SYT1: variants seen among roughly 807,000 people sequenced by gnomAD.
The protein encoded by SYT1 is synaptotagmin-1.
A neutral mutation model predicts 44.8 loss-of-function variants in SYT1; 8 were observed. The ratio of observed to expected loss-of-function variants is 0.18; its 90% CI spans 0.10 to 0.32. The LOEUF (loss-of-function observed/expected upper bound fraction) is 0.32. Ranked by LOEUF, SYT1 falls within the 10% of genes least tolerant of loss-of-function variation. The pLI is 1.00. For synonymous variants in SYT1, 154 were observed against 188.8 expected (o/e 0.82, Z 1.51); for missense variants, 286 against 509.3 (o/e 0.56, Z 4.22).
intron 3 of SYT1, among the ~76,000 whole-genome samples, chr12:79,095,892 A>G (rs1396645329): frequency 6.6e-6 from 1 of 151,916 alleles, no homozygotes; most frequent in Non-Finnish European, 1.5e-5. Context: ...AACACATACA[A>G]ATTTATTATA....
chr12:79,083,481 T>C (rs1357316381), intron 3 of SYT1, among the ~76,000 whole-genome samples: 1 of 152,068 alleles, frequency 6.6e-6, no homozygotes, highest in Non-Finnish European at 1.5e-5. Flanking sequence ...AGGTGAAACA[T>C]AGCAACAACA....
At chr12:78,988,312 ATGT>A (rs995350728) in intron 2 of SYT1, among the ~76,000 whole-genome samples, 7 of 150,712 alleles carry the variant, frequency 4.6e-5, no homozygotes, top group Non-Finnish European at 1.0e-4. Context: ...GTTATATACT[ATGT>A]TATCTTTATA....
rs573132915 is a variant in SYT1 at position 79,071,451 on chromosome 12, A to G, written c.-18+24089A>G. Among the ~76,000 whole-genome samples the G allele has an allele frequency of 2.6e-5, 4 of 152,300 alleles. No homozygotes were observed. The East Asian group carries it at 7.7e-4, about 29-fold the overall frequency. On this transcript the variant is annotated intron_variant, in intron 3 of 10. Transcript: ENST00000261205. ...GAAGTAATTATTAATACTTCTGTGG[A>G]CAATAAACACTACTATAGATCAGAA...
At chr12:78,906,134 A>G (rs940352206) in intron 1 of SYT1, among the ~76,000 whole-genome samples, 7 of 152,126 alleles carry the variant, frequency 4.6e-5, no homozygotes, top group Admixed American at 2.0e-4. Context: ...ACAATTATAA[A>G]AGAGGTTCCT....
At chr12:79,363,541 A>G (rs1309542796) in intron 9 of SYT1, among the ~76,000 whole-genome samples, 2 of 151,164 alleles carry the variant, frequency 1.3e-5, no homozygotes, top group African/African-American at 4.9e-5. Context: ...CCTGAGCTGC[A>G]TAGTGGGACC....
At chr12:79,339,091 CA>C (rs1882234939) in intron 8 of SYT1, among the ~76,000 whole-genome samples, 1 of 152,080 alleles carries the variant, frequency 6.6e-6, no homozygotes, top group African/African-American at 2.4e-5. Flanking sequence ...GGGTTGGTTC[CA>C]AGTCTTTGCT....
At chr12:78,931,308 AGAGGGAGGG>A (rs1877697380) in intron 1 of SYT1, among the ~76,000 whole-genome samples, 5 of 27,610 alleles carry the variant, frequency 1.8e-4, no homozygotes, top group Non-Finnish European at 2.6e-4. Flanking sequence ...GGAAGGAAGG[AGAGGGAGGG>A]AGGGAGGGAG....
At chr12:79,036,724 A>C (rs147635232) in intron 2 of SYT1, among the ~76,000 whole-genome samples, 1 of 151,944 alleles carries the variant, frequency 6.6e-6, no homozygotes, top group Non-Finnish European at 1.5e-5. Flanking sequence ...CTTACTTTTC[A>C]TTATTTGAAT....
chr12:79,115,410 A>C (rs1368150533), intron 3 of SYT1, among the ~76,000 whole-genome samples: 1 of 152,216 alleles, frequency 6.6e-6, no homozygotes, highest in East Asian at 1.9e-4. Flanking sequence ...CTAAATTCTC[A>C]AAATTCACTT....
At chr12:79,242,334 T>G (rs1397462648) in intron 4 of SYT1, among the ~76,000 whole-genome samples, 1 of 152,146 alleles carries the variant, frequency 6.6e-6, no homozygotes, top group Non-Finnish European at 1.5e-5. Flanking sequence ...GAAGCTAGAC[T>G]TCATCTACTT....
intron 4 of SYT1, among the ~76,000 whole-genome samples, chr12:79,237,041 C>T (rs549303284): frequency 7.9e-5 from 12 of 152,098 alleles, no homozygotes; most frequent in South Asian, 2.1e-4. Context: ...TGGATTGTGA[C>T]GGGGGAACCT....
At chr12:79,145,957 C>T (rs187731769) in intron 3 of SYT1, among the ~76,000 whole-genome samples, 2 of 151,994 alleles carry the variant, frequency 1.3e-5, no homozygotes, top group South Asian at 2.1e-4. Flanking sequence ...CGGGGTTTCA[C>T]CGTTTTAGCC....
At chr12:79,270,343 T>C (rs1452794729) in intron 4 of SYT1, among the ~76,000 whole-genome samples, 1 of 152,190 alleles carries the variant, frequency 6.6e-6, no homozygotes, top group Non-Finnish European at 1.5e-5. Flanking sequence ...ATGCACACAT[T>C]AGTGCAGTGG....
intron 4 of SYT1, among the ~76,000 whole-genome samples, chr12:79,218,403 AT>A (rs1464658481): frequency 2.6e-5 from 4 of 152,336 alleles, no homozygotes; most frequent in African/African-American, 9.6e-5. Context: ...GGATTCAGTT[AT>A]TCCACAATGT....
intron 8 of SYT1, among the ~76,000 whole-genome samples, chr12:79,343,572 G>A (rs974847454): frequency 2.0e-5 from 3 of 152,138 alleles, no homozygotes; most frequent in African/African-American, 7.2e-5. Flanking sequence ...CCTGACTATA[G>A]AGTCCATGTT....
At chr12:79,307,012 T>C (rs1880429465) in intron 8 of SYT1, among the ~76,000 whole-genome samples, 1 of 152,246 alleles carries the variant, frequency 6.6e-6, no homozygotes, top group South Asian at 2.1e-4. Context: ...TCTTTTCTCT[T>C]GAGTTCATCA....
intron 4 of SYT1, among the ~76,000 whole-genome samples, chr12:79,257,580 C>T (rs907611192): frequency 2.6e-5 from 4 of 152,082 alleles, no homozygotes; most frequent in African/African-American, 4.8e-5. Context: ...CTCCGCCTCC[C>T]GGGTTCACGC....
At chr12:79,081,078 G>A (rs990191446) in intron 3 of SYT1, among the ~76,000 whole-genome samples, 10 of 152,170 alleles carry the variant, frequency 6.6e-5, no homozygotes, top group African/African-American at 2.4e-4. Context: ...GGTCTGTAAA[G>A]GAACTGATAA....
chr12:79,149,881 A>C (rs1870160020), intron 3 of SYT1, among the ~76,000 whole-genome samples: 1 of 152,198 alleles, frequency 6.6e-6, no homozygotes, highest in Non-Finnish European at 1.5e-5. Context: ...AGTATCTTCA[A>C]TGCCAAGCAT....
Sources: gnomAD v4.1 joint callset for allele counts (sites outside exome capture counted in the v4.1 genomes callset) on GRCh38, gnomAD v4.1.1 for gene constraint, MANE v1.5 for transcripts, NCBI Gene and HGNC (gene_info 2026-07-23, HGNC 2026-07-21) for gene names.